The following CCDC6 variants were observed in gnomAD, a reference collection of about 807,000 sequenced individuals.
The protein encoded by CCDC6 is coiled-coil domain containing 6, also known as coiled-coil domain-containing protein 6.
A neutral mutation model predicts 56.6 loss-of-function variants in CCDC6; 20 were observed. That is an observed-to-expected ratio of 0.35 (90% CI 0.25 to 0.51). The LOEUF (loss-of-function observed/expected upper bound fraction) is 0.51. Among genes scored for constraint, CCDC6 ranks in the 20% least tolerant of loss-of-function variants. The pLI is 0.95. For missense variants in CCDC6, 367 were observed against 601.1 expected (o/e 0.61, Z 4.07); for synonymous variants, 241 against 234.4 (o/e 1.03, Z -0.26).
At chr10:59,889,427 G>A (rs1456810607) in intron 1 of CCDC6, among the ~76,000 whole-genome samples, 1 of 152,176 alleles carries the variant, frequency 6.6e-6, no homozygotes, top group Admixed American at 6.5e-5. Flanking sequence ...CTTCTCCCTA[G>A]AATGCCCTTT....
At chr10:59,886,400 A>G (rs2071383718) in intron 1 of CCDC6, among the ~76,000 whole-genome samples, 2 of 152,234 alleles carry the variant, frequency 1.3e-5, no homozygotes, top group South Asian at 4.1e-4. Flanking sequence ...AGAATGAGGA[A>G]AAAAGACACC....
At chr10:59,793,917 T>C (rs2070490321) in intron 8 of CCDC6, among the ~76,000 whole-genome samples, 1 of 152,240 alleles carries the variant, frequency 6.6e-6, no homozygotes, top group African/African-American at 2.4e-5. Flanking sequence ...GTATTTCTGT[T>C]ATTGGAAATA....
chr10:59,811,429 T>C (rs995926537), intron 5 of CCDC6, among the ~76,000 whole-genome samples: 3 of 152,204 alleles, frequency 2.0e-5, no homozygotes, highest in African/African-American at 7.2e-5. Context: ...GAGATGTTCA[T>C]TGCGGTTGTA....
At chr10:59,847,709 T>C (rs1049990205) in intron 2 of CCDC6, among the ~76,000 whole-genome samples, 6 of 152,182 alleles carry the variant, frequency 3.9e-5, no homozygotes, top group Admixed American at 3.3e-4. Context: ...AGTATCATGT[T>C]GCTGTTTCAG....
intron 5 of CCDC6, among the ~76,000 whole-genome samples, chr10:59,810,689 T>C (rs2070665273): frequency 6.6e-6 from 1 of 152,156 alleles, no homozygotes; most frequent in Non-Finnish European, 1.5e-5. Flanking sequence ...CTTATATATA[T>C]ATTTTTTTAA....
intron 1 of CCDC6, among the ~76,000 whole-genome samples, chr10:59,891,875 G>A (rs927234734): frequency 2.6e-5 from 4 of 152,132 alleles, no homozygotes; most frequent in Non-Finnish European, 5.9e-5. Context: ...ATAGTAGTTT[G>A]GAGAAAAGCA....
At chr10:59,893,801 T>C (rs2071442443) in intron 1 of CCDC6, among the ~76,000 whole-genome samples, 1 of 149,104 alleles carries the variant, frequency 6.7e-6, no homozygotes, top group South Asian at 2.2e-4. Context: ...ATTGAACAGC[T>C]GTGTTAAGGT....
chr10:59,853,626 T>C (rs1322112903), intron 1 of CCDC6, among the ~76,000 whole-genome samples: 4 of 151,418 alleles, frequency 2.6e-5, no homozygotes, highest in Non-Finnish European at 5.9e-5. Context: ...AAAAAAAAAA[T>C]TGCACCAAAT....
chr10:59,793,490 T>G (rs889861481), intron 8 of CCDC6, among the ~76,000 whole-genome samples: 1 of 152,168 alleles, frequency 6.6e-6, no homozygotes, highest in African/African-American at 2.4e-5. Context: ...ACAGAAATGT[T>G]TCTATGTTTG....
At chr10:59,873,034 A>C (rs2132669814) in intron 1 of CCDC6, among the ~76,000 whole-genome samples, 1 of 152,282 alleles carries the variant, frequency 6.6e-6, no homozygotes, top group East Asian at 1.9e-4. Flanking sequence ...TTGCAGCTTT[A>C]TCATCAAACT....
intron 1 of CCDC6, among the ~76,000 whole-genome samples, chr10:59,892,787 G>A (rs962736969): frequency 2.0e-5 from 3 of 152,096 alleles, no homozygotes; most frequent in Non-Finnish European, 4.4e-5. Flanking sequence ...AGTAACCAAG[G>A]CTCAAAGGCC....
rs60162547 is a variant in CCDC6, at chr10:59,862,516, TACAC to T, written c.304-9818_304-9815del. Among the ~76,000 whole-genome samples, 443 of 97,168 alleles carry T rather than the reference TACAC, an allele frequency of 4.6e-3. 17 individuals are homozygous for T. Among genetic ancestry groups the T allele is most frequent in the Admixed American group, 0.01 (99 of 9,502 alleles). 63.7% of individuals were successfully genotyped at this position (97,168 alleles called of 152,430 possible). A position where few individuals can be genotyped will look rare whatever the true frequency, so the allele number is the denominator to read the frequency against. On this transcript the variant is annotated intron_variant, in intron 1 of 8. Transcript: ENST00000263102. ...AAAAAAAAAAGTATATATATATATA[TACAC>T]ACACACACACACACACACACACACA... is the stretch of plus-strand genomic sequence containing the variant.
intron 1 of CCDC6, among the ~76,000 whole-genome samples, chr10:59,888,058 T>C (rs2071395590): frequency 1.3e-5 from 2 of 152,240 alleles, no homozygotes; most frequent in South Asian, 4.1e-4. Context: ...CCATAGATGC[T>C]GCTCAAGCTG....
chr10:59,811,849 T>C (rs2070675162), intron 5 of CCDC6, among the ~76,000 whole-genome samples: 1 of 151,998 alleles, frequency 6.6e-6, no homozygotes, highest in Non-Finnish European at 1.5e-5. Flanking sequence ...AAATCCACAA[T>C]ATAAGTAAAC....
intron 2 of CCDC6, among the ~76,000 whole-genome samples, chr10:59,851,546 G>A (rs1032533120): frequency 6.6e-6 from 1 of 152,080 alleles, no homozygotes; most frequent in Non-Finnish European, 1.5e-5. Flanking sequence ...ACATGTTATG[G>A]TCTTAACATT....
intron 3 of CCDC6, among the ~76,000 whole-genome samples, chr10:59,815,979 C>T (rs973985638): frequency 6.6e-6 from 1 of 152,180 alleles, no homozygotes; most frequent in African/African-American, 2.4e-5. Context: ...AAATGACATT[C>T]CCCTTTCTGA....
At chr10:59,860,282 C>T (rs2071117031) in intron 1 of CCDC6, among the ~76,000 whole-genome samples, 1 of 152,174 alleles carries the variant, frequency 6.6e-6, no homozygotes, top group Non-Finnish European at 1.5e-5. Context: ...GCTGGAAACT[C>T]TTCTGCCCAT....
chr10:59,822,046 G>A (rs1004486685), intron 3 of CCDC6, among the ~76,000 whole-genome samples: 4 of 152,152 alleles, frequency 2.6e-5, no homozygotes, highest in Non-Finnish European at 5.9e-5. Flanking sequence ...AATACAGAAT[G>A]AGCTAATCAA....
intron 2 of CCDC6, among the ~76,000 whole-genome samples, chr10:59,842,198 C>T (rs2070945844): frequency 6.6e-6 from 1 of 152,030 alleles, no homozygotes. Flanking sequence ...TGCACCATCA[C>T]ACCCCACTAA....
Sources: gnomAD v4.1 joint callset for allele counts (sites outside exome capture counted in the v4.1 genomes callset) on GRCh38, gnomAD v4.1.1 for gene constraint, MANE v1.5 for transcripts, NCBI Gene and HGNC (gene_info 2026-07-23, HGNC 2026-07-21) for gene names.